Variants in DPY19L1 observed in about 807,000 individuals in gnomAD.
DPY19L1 encodes the protein protein C-mannosyl-transferase DPY19L1.
A neutral mutation model predicts 96.9 loss-of-function variants in DPY19L1; 35 were observed. That is an observed-to-expected ratio of 0.36 (90% CI 0.28 to 0.48). The LOEUF (loss-of-function observed/expected upper bound fraction) is 0.48, where lower values mean the gene tolerates loss of function less well. Ranked by LOEUF, DPY19L1 falls within the 20% of genes least tolerant of loss-of-function variation. The pLI is 0.99. For synonymous variants in DPY19L1, 205 were observed against 252.6 expected (o/e 0.81, Z 1.79); for missense variants, 521 against 777.9 (o/e 0.67, Z 3.93).
At chr7:34,987,753 T>C (rs1032802835) in intron 7 of DPY19L1, among the ~76,000 whole-genome samples, 3 of 151,940 alleles carry the variant, frequency 2.0e-5, no homozygotes, top group Admixed American at 6.6e-5. Context: ...AAAAAGTATA[T>C]ACTTAAAAAT....
chr7:34,936,776 C>T (rs375615942), intron 21 of DPY19L1, among the ~76,000 whole-genome samples: 44 of 152,248 alleles, frequency 2.9e-4, no homozygotes, highest in African/African-American at 9.9e-4. Flanking sequence ...ATTCTATAAT[C>T]AACAATTATT....
chr7:35,010,657 G>C (rs1584254030), intron 5 of DPY19L1, 96 bp from the exon 6 acceptor site: 2 of 858,802 alleles, frequency 2.3e-6, no homozygotes, highest in Non-Finnish European at 3.7e-6. Flanking sequence ...TTTTGAAAAT[G>C]GTTGCCAGAT....
intron 16 of DPY19L1, among the ~76,000 whole-genome samples, chr7:34,945,193 T>C (rs995266742): frequency 5.1e-4 from 78 of 151,924 alleles, no homozygotes; most frequent in Non-Finnish European, 7.4e-5. Flanking sequence ...GCTATAGGCC[T>C]CTCTAACTCT....
At chr7:34,933,896 T>C (rs1783810245) in intron 21 of DPY19L1, among the ~76,000 whole-genome samples, 1 of 152,216 alleles carries the variant, frequency 6.6e-6, no homozygotes, top group Non-Finnish European at 1.5e-5. Context: ...AGATGGCCTA[T>C]TGTGGGGCCT....
At chr7:34,944,365 C>CAAAAAAAAAAAAAAAAA (rs60937482) in intron 16 of DPY19L1, among the ~76,000 whole-genome samples, 12 of 82,294 alleles carry the variant, frequency 1.5e-4, no homozygotes, top group East Asian at 3.5e-4. Context: ...GGCTCTGTCT[C>CAAAAAAAAAAAAAAAAA]AAAAAAAAAA....
intron 3 of DPY19L1, 60 bp from the exon 4 acceptor site, chr7:35,013,765 TAAGTA>T (rs1673198531): frequency 7.4e-7 from 1 of 1,353,414 alleles, no homozygotes; most frequent in Non-Finnish European, 1.0e-6. Context: ...ATGCCACTTC[TAAGTA>T]AATACACTGT....
intron 7 of DPY19L1, among the ~76,000 whole-genome samples, chr7:34,988,799 T>C (rs777334360): frequency 5.9e-5 from 9 of 152,220 alleles, no homozygotes; most frequent in Non-Finnish European, 1.3e-4. Context: ...TTTACAACTA[T>C]GATTAATCTA....
intron 6 of DPY19L1, among the ~76,000 whole-genome samples, chr7:34,995,995 G>C (rs902647844): frequency 6.6e-6 from 1 of 151,988 alleles, no homozygotes; most frequent in African/African-American, 2.4e-5. Context: ...GATAAGAATC[G>C]GGAAGGGTGA....
intron 8 of DPY19L1, among the ~76,000 whole-genome samples, chr7:34,972,220 A>C (rs1784738403): frequency 6.6e-6 from 1 of 152,240 alleles, no homozygotes; most frequent in Non-Finnish European, 1.5e-5. Context: ...TGCCTTCAGG[A>C]AGAGGGTTGC....
At chr7:35,021,700 G>A (rs906806208) in intron 1 of DPY19L1, among the ~76,000 whole-genome samples, 3 of 152,160 alleles carry the variant, frequency 2.0e-5, no homozygotes, top group African/African-American at 7.2e-5. Context: ...ACCCAGTAAG[G>A]GAGGCTGGAC....
intron 8 of DPY19L1, among the ~76,000 whole-genome samples, chr7:34,972,400 T>G (rs1246121246): frequency 6.6e-6 from 1 of 152,130 alleles, no homozygotes; most frequent in Non-Finnish European, 1.5e-5. Context: ...CCATGCCCAC[T>G]TAGGGACAGA....
rs191821121 is a variant in DPY19L1, at chr7:35,007,167, T to C, written c.764+3301A>G. Among the ~76,000 whole-genome samples, 953 of 152,202 alleles carry C rather than the reference T, an allele frequency of 6.3e-3. 13 individuals are homozygous for C. The highest frequency in any genetic ancestry group is 0.022 in the African/African-American group (901 of 41,528). On this transcript the variant is annotated intron_variant, in intron 6 of 21. Coordinates refer to ENST00000638088, the MANE Select transcript of DPY19L1 (RefSeq NM_001366673.1). ...ACAAAAATGCAATGAAAAACACTGA[T>C]AGAAAAGAAGTGATAAGAGACTCTA...
intron 6 of DPY19L1, among the ~76,000 whole-genome samples, chr7:34,995,074 AGAG>A (rs1336161493): frequency 6.6e-6 from 1 of 152,198 alleles, no homozygotes; most frequent in African/African-American, 2.4e-5. Context: ...CTGCAAAGCT[AGAG>A]GAGGAGAATA....
chr7:34,959,910 T>TAAATATATATATTTAA (rs1172896284), intron 10 of DPY19L1, among the ~76,000 whole-genome samples: 1 of 19,642 alleles, frequency 5.1e-5, no homozygotes, highest in Non-Finnish European at 1.1e-4. Context: ...TATATATATA[T>TAAATATATATATTTAA]ATATATATAT....
upstream of DPY19L1, chr7:35,038,005 G>C (rs1786492250): frequency 2.1e-6 from 2 of 973,566 alleles, no homozygotes; most frequent in South Asian, 1.0e-4. Context: ...GAGACGCGGC[G>C]GGGCAGGGAG....
intron 21 of DPY19L1, among the ~76,000 whole-genome samples, 170 bp downstream of exon 21, chr7:34,937,824 A>T (rs138305793): frequency 6.6e-5 from 10 of 152,130 alleles, no homozygotes; most frequent in Admixed American, 2.0e-4. Context: ...ATGCCAGTGC[A>T]CTCCAGCCTG....
At chr7:34,948,698 T>C (rs770998734) in intron 14 of DPY19L1, among the ~76,000 whole-genome samples, 2 of 152,170 alleles carry the variant, frequency 1.3e-5, no homozygotes, top group Non-Finnish European at 2.9e-5. Context: ...TCTCTAATAT[T>C]TGAAGGAGTC....
At chr7:34,931,775 A>G (rs775212381) in intron 21 of DPY19L1, 46 bp from the exon 22 acceptor site, 2 of 1,540,400 alleles carry the variant, frequency 1.3e-6, no homozygotes, top group East Asian at 4.6e-5. Context: ...GCATTATATA[A>G]CTGCAGAGAA....
intron 6 of DPY19L1, among the ~76,000 whole-genome samples, chr7:34,996,284 GC>G (rs1785282458): frequency 6.6e-6 from 1 of 152,108 alleles, no homozygotes; most frequent in Non-Finnish European, 1.5e-5. Context: ...CTTGGTACTG[GC>G]CCAAAAACCA....
Sources: allele counts gnomAD v4.1 joint callset (sites outside exome capture counted in the v4.1 genomes callset), GRCh38; gene constraint gnomAD v4.1.1; transcripts MANE v1.5; gene names NCBI Gene and HGNC (gene_info 2026-07-23, HGNC 2026-07-21).